ARIH2: variants seen among roughly 807,000 people sequenced by gnomAD.
ARIH2 encodes the protein E3 ubiquitin-protein ligase ARIH2.
ARIH2 carries 12 observed loss-of-function variants against 79.8 expected under a neutral mutation model. The observed-to-expected ratio is 0.15, with a 90% CI of 0.10 to 0.24. The LOEUF (loss-of-function observed/expected upper bound fraction) is 0.24, where lower values mean the gene tolerates loss of function less well. Among genes scored for constraint, ARIH2 ranks in the 10% least tolerant of loss-of-function variants. ARIH2 has a pLI of 1.00. For missense variants in ARIH2, 301 were observed against 618.3 expected (o/e 0.49, Z 5.44); for synonymous variants, 224 against 213.9 (o/e 1.05, Z -0.41).
intron 2 of ARIH2, among the ~76,000 whole-genome samples, chr3:48,923,521 G>GTGT (rs2085131955): frequency 6.7e-6 from 1 of 150,076 alleles, no homozygotes; most frequent in Admixed American, 6.6e-5. Context: ...GATATAGTGA[G>GTGT]TGTTTTTTTT....
At chr3:48,924,047 T>C (rs1250013637) in intron 2 of ARIH2, among the ~76,000 whole-genome samples, 1 of 152,170 alleles carries the variant, frequency 6.6e-6, no homozygotes, top group Non-Finnish European at 1.5e-5. Context: ...GGAGGATCTG[T>C]TGAGCTCAGG....
chr3:48,923,324 C>T (rs897572468), intron 2 of ARIH2, among the ~76,000 whole-genome samples: 1 of 151,494 alleles, frequency 6.6e-6, no homozygotes, highest in African/African-American at 2.4e-5. Context: ...TGCTTGAACC[C>T]GGAAGGCAGA....
In ARIH2 at chr3:48,918,952, C is replaced by T. The variant is rs1176504585; in HGVS notation, c.-208C>T. ...TCCGGTCCCTCTGGCCCGGCCTGACCCGGTCTGGCTTGTTCGGGCTCAGCG... is the reference window on the plus strand; with the variant it reads ...TCCGGTCCCTCTGGCCCGGCCTGACTCGGTCTGGCTTGTTCGGGCTCAGCG... On this transcript the variant is annotated 5_prime_UTR_variant, in exon 1 of 16. Transcript: ENST00000356401. 1 of 1,551,122 alleles carries T rather than the reference C, an allele frequency of 6.4e-7. No homozygotes were observed. Among genetic ancestry groups the T allele is most frequent in the Non-Finnish European group, 8.6e-7 (1 of 1,157,066 alleles).
In ARIH2 at chr3:48,983,281, G is replaced by GGACGTGCCGGGGTGAGGAA; in HGVS notation, c.*13_*14insCGTGCCGGGGTGAGGAAGA. 1 of 1,613,980 alleles carries GGACGTGCCGGGGTGAGGAA rather than the reference G, an allele frequency of 6.2e-7. No individual in the cohort carries two copies. Among genetic ancestry groups the GGACGTGCCGGGGTGAGGAA allele is most frequent in the South Asian group, 1.1e-5 (1 of 91,088 alleles). On this transcript the variant is annotated 3_prime_UTR_variant, in exon 16 of 16. Transcript: ENST00000356401. ...TTCCATGACACCTAAGTTGGGATGT[G>GGACGTGCCGGGGTGAGGAA]GATGTGCCGGGGTGAGGAAGATGTG...
chr3:48,967,135 C>T lies in ARIH2; in HGVS notation c.398C>T (p.Ser133Phe), dbSNP rs761632702. The stretch of plus-strand genomic sequence containing the variant: ...TCTGTTTCTCTCCAGGTTCCCACAT[C>T]CCATCCCCCTCACCACTGTGCAGTG... ...QPNPSKHVPT[S>F]HPPHHCAVCM... Residue 133 changes from serine to phenylalanine, a missense_variant, in exon 6 of 16, where the codon TCC becomes TTC. By Grantham distance (155) the Ser-to-Phe change is radical. Around this residue, in one of 2 missense-constraint regions of ARIH2, gnomAD observed 223 missense variants for 349.4 expected, o/e 0.64. Coordinates refer to ENST00000356401, the MANE Select transcript of ARIH2 (RefSeq NM_006321.4). The T allele has an allele frequency of 1.7e-5, 27 of 1,613,664 alleles. No homozygotes were observed. In the Middle Eastern group the frequency reaches 4.9e-4, roughly 29 times the overall value.
intron 2 of ARIH2, 109 bp downstream of exon 2, chr3:48,922,920 A>T (rs954613106): frequency 2.6e-5 from 4 of 152,154 alleles, no homozygotes; most frequent in African/African-American, 7.2e-5. Flanking sequence ...TAAAAGTCAA[A>T]CTGCTGGCCA....
At chr3:48,967,887 C>T (rs1046914919) in intron 6 of ARIH2, among the ~76,000 whole-genome samples, 2 of 152,132 alleles carry the variant, frequency 1.3e-5, no homozygotes, top group Admixed American at 1.3e-4. Flanking sequence ...TGAAAATATG[C>T]TAATTTCTCT....
intron 3 of ARIH2, among the ~76,000 whole-genome samples, chr3:48,945,447 T>C (rs968100795): frequency 1.3e-5 from 2 of 152,228 alleles, no homozygotes; most frequent in African/African-American, 4.8e-5. Context: ...TTTTGAGTAA[T>C]AAACATGTAC....
chr3:48,928,759 A>G (rs574079987), intron 3 of ARIH2, among the ~76,000 whole-genome samples: 33 of 152,202 alleles, frequency 2.2e-4, no homozygotes, highest in African/African-American at 7.2e-4. Context: ...GATGGTTGGC[A>G]AAGGCTAATA....
chr3:48,959,241 G>A (rs1344911039), intron 3 of ARIH2, among the ~76,000 whole-genome samples: 10 of 150,096 alleles, frequency 6.7e-5, no homozygotes, highest in African/African-American at 1.2e-4. Context: ...GCGTGAACCC[G>A]GGAGGTGGAG....
intron 7 of ARIH2, among the ~76,000 whole-genome samples, chr3:48,970,268 T>C (rs2107611899): frequency 6.6e-6 from 1 of 152,288 alleles, no homozygotes; most frequent in Middle Eastern, 3.4e-3. Flanking sequence ...ATCAGCTCAC[T>C]GCAGCCTGAA....
chr3:48,958,169 A>G (rs1396346237), intron 3 of ARIH2, among the ~76,000 whole-genome samples: 1 of 152,150 alleles, frequency 6.6e-6, no homozygotes, highest in Non-Finnish European at 1.5e-5. Context: ...CAACAACAAC[A>G]AATCAACTGG....
chr3:48,970,413 G>A (rs2092150076), intron 7 of ARIH2, among the ~76,000 whole-genome samples, 182 bp from the exon 8 acceptor site: 1 of 152,162 alleles, frequency 6.6e-6, no homozygotes, highest in Non-Finnish European at 1.5e-5. Flanking sequence ...TAAGCTAAAC[G>A]TTCTAAATTC....
At chr3:48,968,812 T>C (rs1402262398) in intron 7 of ARIH2, among the ~76,000 whole-genome samples, 157 bp downstream of exon 7, 1 of 151,882 alleles carries the variant, frequency 6.6e-6, no homozygotes, top group Non-Finnish European at 1.5e-5. Flanking sequence ...ACCACTGGAG[T>C]GATAGTGAAG....
At chr3:48,923,072 T>A (rs1470231536) in intron 2 of ARIH2, among the ~76,000 whole-genome samples, 1 of 151,574 alleles carries the variant, frequency 6.6e-6, no homozygotes, top group East Asian at 1.9e-4. Flanking sequence ...CCGGGCGTAG[T>A]GGCGGGCGCC....
chr3:48,949,019 A>G (rs1019773025), intron 3 of ARIH2: 2 of 456,136 alleles, frequency 4.4e-6, no homozygotes, highest in African/African-American at 4.0e-5. Context: ...GTGACCATTC[A>G]TGGCCAGGGC....
At chr3:48,946,697 G>A (rs114352129) in intron 3 of ARIH2, among the ~76,000 whole-genome samples, 102 of 152,096 alleles carry the variant, frequency 6.7e-4, no homozygotes, top group African/African-American at 2.4e-3. Flanking sequence ...AGAGGAGAGA[G>A]AGCTCATTTC....
At chr3:48,954,158 C>T (rs962334709) in intron 3 of ARIH2, among the ~76,000 whole-genome samples, 6 of 142,270 alleles carry the variant, frequency 4.2e-5, no homozygotes, top group East Asian at 4.3e-4. Flanking sequence ...GAGACTTTGT[C>T]GCAAAAAAAA....
chr3:48,981,270 T>A (rs139688905), intron 13 of ARIH2, among the ~76,000 whole-genome samples: 1 of 151,244 alleles, frequency 6.6e-6, no homozygotes, highest in Non-Finnish European at 1.5e-5. Flanking sequence ...AGGCAGAGTT[T>A]GCAGTGAGTG....
Sources: allele counts gnomAD v4.1 joint callset (sites outside exome capture counted in the v4.1 genomes callset), GRCh38; gene constraint gnomAD v4.1.1; regional missense constraint gnomAD v4.1.1; transcripts MANE v1.5; gene names NCBI Gene and HGNC (gene_info 2026-07-23, HGNC 2026-07-21).